Variants in WWP1 observed in about 807,000 individuals in gnomAD.
WWP1 encodes the protein WW domain containing E3 ubiquitin protein ligase 1.
Under a neutral mutation model 130.6 loss-of-function variants are expected in WWP1, and 49 were observed. The ratio of observed to expected loss-of-function variants is 0.38; its 90% CI spans 0.30 to 0.48. WWP1 has a LOEUF of 0.48. Ranked by LOEUF, WWP1 falls within the 20% of genes least tolerant of loss-of-function variation. The pLI is 0.99. For missense variants in WWP1, 809 were observed against 1,100.6 expected, an observed-to-expected ratio of 0.74 and a Z score of 3.75; for synonymous variants, 332 against 367.8, an observed-to-expected ratio of 0.90 and a Z score of 1.11.
At chr8:86,381,467 C>T in intron 4 of WWP1, 38 bp from the exon 5 acceptor site, 2 of 1,586,198 alleles carry the variant, frequency 1.3e-6, no homozygotes, top group Non-Finnish European at 8.5e-7. Context: ...ATGACAACGT[C>T]TACTCCTGTA....
chr8:86,402,332 C>A, intron 8 of WWP1, 129 bp downstream of exon 8: 3 of 1,212,978 alleles, frequency 2.5e-6, no homozygotes, highest in Non-Finnish European at 3.4e-6. Flanking sequence ...GTCACCCAGG[C>A]TGGAGTGCAG....
At chr8:86,420,678 G>C (rs1809151630) in intron 9 of WWP1, among the ~76,000 whole-genome samples, 1 of 152,136 alleles carries the variant, frequency 6.6e-6, no homozygotes, top group Non-Finnish European at 1.5e-5. Flanking sequence ...ATGTTGCCTT[G>C]GGGAGTGGAA....
intron 5 of WWP1, among the ~76,000 whole-genome samples, chr8:86,384,453 C>T (rs527791936): frequency 6.6e-6 from 1 of 152,028 alleles, no homozygotes; most frequent in African/African-American, 2.4e-5. Flanking sequence ...CAAGAGTATA[C>T]ACGTAATTTC....
chr8:86,424,841 A>AGGGGG, intron 9 of WWP1, among the ~76,000 whole-genome samples: 1 of 2,180 alleles, frequency 4.6e-4, no homozygotes. Flanking sequence ...AGGGAGGGGG[A>AGGGGG]GGGGAGGGGA....
chr8:86,431,802 T>C, intron 14 of WWP1, 59 bp downstream of exon 14: 1 of 1,592,420 alleles, frequency 6.3e-7, no homozygotes, highest in Non-Finnish European at 8.5e-7. Context: ...TGAGATTTAG[T>C]CTCTAATTTA....
chr8:86,435,420 A>G (rs759494186), intron 14 of WWP1, 32 bp from the exon 15 acceptor site: 1 of 1,604,000 alleles, frequency 6.2e-7, no homozygotes, highest in Admixed American at 1.7e-5. Flanking sequence ...CTTTATTATG[A>G]GTTAATTTGG....
chr8:86,353,221 A>ATC (rs1393700992), intron 1 of WWP1, among the ~76,000 whole-genome samples: 1 of 147,752 alleles, frequency 6.8e-6, no homozygotes, highest in Non-Finnish European at 1.5e-5. Flanking sequence ...TTTCAAGCTA[A>ATC]TCTCTAACTG....
intron 22 of WWP1, among the ~76,000 whole-genome samples, chr8:86,460,421 C>T (rs1331858394): frequency 6.6e-6 from 1 of 152,146 alleles, no homozygotes; most frequent in Non-Finnish European, 1.5e-5. Flanking sequence ...CATTTAAACT[C>T]TCTAGGCCTC....
At chr8:86,378,882 T>C (rs1446510034) in intron 3 of WWP1, among the ~76,000 whole-genome samples, 1 of 152,166 alleles carries the variant, frequency 6.6e-6, no homozygotes, top group Non-Finnish European at 1.5e-5. Flanking sequence ...CAGACATTCA[T>C]TGATGGTGAT....
intron 1 of WWP1, among the ~76,000 whole-genome samples, chr8:86,352,544 C>G (rs973622890): frequency 1.3e-5 from 2 of 151,768 alleles, no homozygotes; most frequent in Non-Finnish European, 2.9e-5. Context: ...TTTTATTTTT[C>G]TTAGAGATGG....
In WWP1 at chr8:86,445,976, C is replaced by CTTTTTTTT. The variant is rs56731329; in HGVS notation, c.1999-2157_1999-2150dup. Among the ~76,000 whole-genome samples, 12 of 84,986 alleles carry CTTTTTTTT rather than the reference C, an allele frequency of 1.4e-4. 1 individual carries two copies. Among genetic ancestry groups the CTTTTTTTT allele is most frequent in the African/African-American group, 3.9e-4 (9 of 23,304 alleles). 55.8% of individuals were successfully genotyped at this position (84,986 alleles called of 152,430 possible). A position where few individuals can be genotyped will look rare whatever the true frequency, so the allele number is the denominator to read the frequency against. ...CTTTTCTTTTCTTTTCTTTTCTTTTCTTTTTTTTTTTTTTTTTTTTTTGAG... is the reference window on the plus strand; with the variant it reads ...CTTTTCTTTTCTTTTCTTTTCTTTTCTTTTTTTTTTTTTTTTTTTTTTTTTTTTTTGAG... On this transcript the variant is annotated intron_variant, in intron 18 of 24. Coordinates refer to ENST00000517970, the MANE Select transcript of WWP1 (RefSeq NM_007013.4).
intron 3 of WWP1, among the ~76,000 whole-genome samples, chr8:86,376,343 T>G (rs1824649550): frequency 6.6e-6 from 1 of 151,872 alleles, no homozygotes; most frequent in South Asian, 2.1e-4. Context: ...CCGAGGCAGG[T>G]GGATCACGTG....
In WWP1 at chr8:86,348,450, A is replaced by G. The variant is rs533281459; in HGVS notation, c.-115+5520A>G. On this transcript the variant is annotated intron_variant, in intron 1 of 24. Coordinates refer to ENST00000517970, the MANE Select transcript of WWP1 (RefSeq NM_007013.4). ...TCAGGCTGGTCTTGAACTCCAGACC[A>G]CAGGTGATCTGCCCGCCTCAGCCTC... 7.2e-5 allele frequency among the ~76,000 whole-genome samples: 11 copies of G among 152,154 alleles called. No individual in the cohort carries two copies. In the East Asian group the frequency reaches 2.1e-3, roughly 30 times the overall value.
In WWP1 at chr8:86,467,072, T is replaced by G. The variant is rs1417882395; in HGVS notation, c.*179T>G. ...AGTTCATCCTTTTCTACTTTATTTA[T>G]TGTTCCCTTGAAATGACTGACCAGG... On this transcript the variant is annotated 3_prime_UTR_variant, in exon 25 of 25. Coordinates refer to ENST00000517970, the MANE Select transcript of WWP1 (RefSeq NM_007013.4). 4.0e-6 allele frequency: 2 copies of G among 504,460 alleles called. No individual in the cohort carries two copies. The highest frequency in any genetic ancestry group is 4.0e-5 in the African/African-American group (2 of 49,526). 31.2% of individuals were successfully genotyped at this position (504,460 alleles called of 1,614,324 possible).
At chr8:86,405,524 C>T (rs935066621) in intron 8 of WWP1, among the ~76,000 whole-genome samples, 3 of 151,980 alleles carry the variant, frequency 2.0e-5, no homozygotes, top group African/African-American at 7.3e-5. Flanking sequence ...ATATATATGC[C>T]ATTACCTTTG....
intron 21 of WWP1, among the ~76,000 whole-genome samples, chr8:86,454,086 GTGGGAGAT>G (rs958302906): frequency 5.3e-5 from 8 of 152,064 alleles, no homozygotes; most frequent in African/African-American, 1.9e-4. Flanking sequence ...CTCAGTATCT[GTGGGAGAT>G]TGGTTCTGTA....
Position 86,448,214 on chromosome 8 carries a change from A to G in WWP1, c.2065A>G (p.Lys689Glu). The change falls in exon 19 of 25, where the codon AAA becomes GAA. Residue 689 changes from lysine to glutamate, a missense_variant. Around this residue, in one of 3 missense-constraint regions of WWP1, gnomAD observed 450 missense variants for 674.2 expected, o/e 0.67. Coordinates refer to ENST00000517970, the MANE Select transcript of WWP1 (RefSeq NM_007013.4). Reference sequence around the variant, plus strand: ...ACCATTCTACAAGCGTATGTTAAGTAAAAAACTTACTATTAAGGATTTGGA... The same window carrying G: ...ACCATTCTACAAGCGTATGTTAAGTGAAAAACTTACTATTAAGGATTTGGA... ...SLPFYKRMLS[K>E]KLTIKDLESI... The G allele has an allele frequency of 6.3e-7, 1 of 1,583,508 alleles. No homozygotes were observed. The highest frequency in any genetic ancestry group is 2.2e-5 in the East Asian group (1 of 44,578).
intron 24 of WWP1, among the ~76,000 whole-genome samples, chr8:86,465,074 CTT>C (rs1462660898): frequency 6.6e-6 from 1 of 152,130 alleles, no homozygotes; most frequent in South Asian, 2.1e-4. Context: ...AAAGGAAAAA[CTT>C]TTGAGAGAAA....
At chr8:86,405,515 T>C (rs950330117) in intron 8 of WWP1, among the ~76,000 whole-genome samples, 1 of 152,076 alleles carries the variant, frequency 6.6e-6, no homozygotes, top group Non-Finnish European at 1.5e-5. Flanking sequence ...TAATATACAA[T>C]ATATATGCCA....
Sources: allele counts gnomAD v4.1 joint callset (sites outside exome capture counted in the v4.1 genomes callset), GRCh38; gene constraint gnomAD v4.1.1; regional missense constraint gnomAD v4.1.1; transcripts MANE v1.5; gene names NCBI Gene and HGNC (gene_info 2026-07-23, HGNC 2026-07-21).